The following GAREM1 variants were observed in gnomAD, a reference collection of about 807,000 sequenced individuals.
GAREM1 encodes the protein GRB2 associated regulator of MAPK1 subtype 1.
A neutral mutation model predicts 71.3 loss-of-function variants in GAREM1; 26 were observed. That is an observed-to-expected ratio of 0.36 (90% CI 0.27 to 0.51). The LOEUF (loss-of-function observed/expected upper bound fraction) is 0.51. Ranked by LOEUF, GAREM1 falls within the 20% of genes least tolerant of loss-of-function variation. GAREM1 has a pLI of 0.95. For missense variants in GAREM1, 1,026 were observed against 1,103.1 expected (o/e 0.93, Z 0.99); for synonymous variants, 440 against 433.2 (o/e 1.02, Z -0.20).
At chr18:32,268,909 GTT>G in intron 5 of GAREM1, 141 bp from the exon 6 acceptor site, 3 of 561,250 alleles carry the variant, frequency 5.3e-6, no homozygotes, top group Non-Finnish European at 9.1e-6. Flanking sequence ...ACTTCACTGG[GTT>G]TTTTTTTTAA....
chr18:32,419,630 C>A (rs1040651039), intron 1 of GAREM1, among the ~76,000 whole-genome samples: 1 of 152,272 alleles, frequency 6.6e-6, no homozygotes, highest in Middle Eastern at 3.4e-3. Context: ...TTTGTTACAG[C>A]AGCCTGAACT....
At chr18:32,276,039 T>G (rs974977618) in intron 4 of GAREM1, among the ~76,000 whole-genome samples, 3 of 152,226 alleles carry the variant, frequency 2.0e-5, no homozygotes, top group African/African-American at 7.2e-5. Flanking sequence ...ACACCACTAC[T>G]CTGGTGTTGA....
chr18:32,362,731 A>T (rs1598990108), intron 2 of GAREM1, among the ~76,000 whole-genome samples: 1 of 152,212 alleles, frequency 6.6e-6, no homozygotes, highest in African/African-American at 2.4e-5. Context: ...CAATACAGCA[A>T]ATTTCAAGAT....
At chr18:32,299,901 T>C (rs2047182929) in intron 3 of GAREM1, among the ~76,000 whole-genome samples, 1 of 152,154 alleles carries the variant, frequency 6.6e-6, no homozygotes, top group Non-Finnish European at 1.5e-5. Flanking sequence ...AAAAAAAGTT[T>C]TAAAAAATTT....
At chr18:32,371,914 T>C (rs919497493) in intron 2 of GAREM1, among the ~76,000 whole-genome samples, 3 of 152,060 alleles carry the variant, frequency 2.0e-5, no homozygotes, top group Non-Finnish European at 4.4e-5. Context: ...CAGGATGCAT[T>C]GAGGACCTTA....
intron 2 of GAREM1, among the ~76,000 whole-genome samples, chr18:32,385,904 ATAAAAG>A (rs1289243157): frequency 6.6e-6 from 1 of 152,228 alleles, no homozygotes; most frequent in East Asian, 1.9e-4. Flanking sequence ...ACATGAAAAA[ATAAAAG>A]TAAAATGCTG....
At chr18:32,430,454 T>TAC (rs2048612920) in intron 1 of GAREM1, among the ~76,000 whole-genome samples, 1 of 152,186 alleles carries the variant, frequency 6.6e-6, no homozygotes, top group Non-Finnish European at 1.5e-5. Context: ...TCTATATATA[T>TAC]ACTAGGATTG....
Position 32,270,509 on chromosome 18 carries a change from G to A in GAREM1, c.1567-126C>T, listed in dbSNP as rs78055134. ...AACAGCAGGGTGTAAGCATGGCAGAGAGAAGATTGAAGTAAACAAGAATGA... is the reference window on the plus strand; with the variant it reads ...AACAGCAGGGTGTAAGCATGGCAGAAAGAAGATTGAAGTAAACAAGAATGA... On this transcript the variant is annotated intron_variant, in intron 4 of 5. Transcript: ENST00000269209. 2.6e-3 allele frequency: 1,955 copies of A among 741,080 alleles called. 58 individuals carry two copies. In the East Asian group the frequency reaches 0.051, roughly 19 times the overall value. 45.9% of individuals were successfully genotyped at this position (741,080 alleles called of 1,614,324 possible). A position where few individuals can be genotyped will look rare whatever the true frequency, so the allele number is the denominator to read the frequency against.
chr18:32,367,827 G>C (rs972867831), intron 2 of GAREM1, among the ~76,000 whole-genome samples: 6 of 152,058 alleles, frequency 3.9e-5, no homozygotes, highest in Admixed American at 2.0e-4. Context: ...GTCTGCCTAC[G>C]GGAGCCAGGT....
At chr18:32,466,191 G>C (rs1249941253) in intron 1 of GAREM1, among the ~76,000 whole-genome samples, 1 of 151,458 alleles carries the variant, frequency 6.6e-6, no homozygotes, top group Middle Eastern at 3.2e-3. Context: ...TTTGGTTACA[G>C]AGAGTATGGC....
chr18:32,378,654 T>C (rs1178280394), intron 2 of GAREM1, among the ~76,000 whole-genome samples: 1 of 152,164 alleles, frequency 6.6e-6, no homozygotes, highest in African/African-American at 2.4e-5. Flanking sequence ...AGAAGAGCTC[T>C]GGTTAAAAAT....
In GAREM1 at chr18:32,361,698, C is replaced by T. The variant is rs554698891; in HGVS notation, c.262+31197G>A. Among the ~76,000 whole-genome samples, 49 of 152,220 alleles carry T rather than the reference C, an allele frequency of 3.2e-4. No individual in the cohort carries two copies. In the East Asian group the frequency reaches 9.1e-3, roughly 28 times the overall value. On this transcript the variant is annotated intron_variant, in intron 2 of 5. Coordinates refer to ENST00000269209, the MANE Select transcript of GAREM1 (RefSeq NM_001242409.2). The stretch of plus-strand genomic sequence containing the variant: ...ATAATTTCCCAATATCCTGTTTAAG[C>T]CAATTATTTTAGAAAAATTTGTAAA...
intron 2 of GAREM1, among the ~76,000 whole-genome samples, chr18:32,338,791 T>C (rs1322151345): frequency 1.3e-5 from 2 of 152,210 alleles, no homozygotes; most frequent in African/African-American, 4.8e-5. Context: ...TTGTGTCAAC[T>C]TGGTTTGATC....
intron 1 of GAREM1, among the ~76,000 whole-genome samples, chr18:32,411,590 C>T (rs183700337): frequency 1.9e-4 from 29 of 151,806 alleles, no homozygotes; most frequent in Admixed American, 1.7e-3. Flanking sequence ...TTATCTGGTA[C>T]CATTATTCAA....
Position 32,267,972 on chromosome 18 carries a change from C to A in GAREM1, c.2530G>T (p.Val844Phe). ...VTEKIDGNLL[V>F]QLTEEILSED... ...GAGAGGATTTCTTCCGTTAGCTGAA[C>A]AAGCAGGTTCCCATCAATCTTTTCA... Residue 844 changes from valine to phenylalanine, a missense_variant, in exon 6 of 6, where the codon GTT (valine) becomes TTT (phenylalanine). Around this residue, in one of 3 missense-constraint regions of GAREM1, gnomAD observed 636 missense variants for 631.2 expected, o/e 1.01. Coordinates refer to ENST00000269209, the MANE Select transcript of GAREM1 (RefSeq NM_001242409.2). The A allele has an allele frequency of 6.2e-7, 1 of 1,614,002 alleles. No individual in the cohort carries two copies. The highest frequency in any genetic ancestry group is 8.5e-7 in the Non-Finnish European group (1 of 1,179,888).
chr18:32,321,135 G>C (rs2047424051), intron 2 of GAREM1, among the ~76,000 whole-genome samples: 1 of 152,004 alleles, frequency 6.6e-6, no homozygotes, highest in Non-Finnish European at 1.5e-5. Context: ...AAGAACCTAA[G>C]TGTTCCATAA....
intron 3 of GAREM1, among the ~76,000 whole-genome samples, chr18:32,309,645 A>G (rs1160550018): frequency 6.8e-6 from 1 of 147,600 alleles, no homozygotes; most frequent in African/African-American, 2.5e-5. Flanking sequence ...AAAAAAAAAG[A>G]ATGCAGAACA....
In GAREM1 at chr18:32,411,205, G is replaced by A. The variant is rs150180332; in HGVS notation, c.122-18170C>T. Among the ~76,000 whole-genome samples the A allele has an allele frequency of 3.9e-5, 6 of 152,320 alleles. No homozygotes were observed. The East Asian group carries it at 9.6e-4, about 24-fold the overall frequency. Reference sequence around the variant, plus strand: ...GTCTAATAAGAAAATGCACTAAGGTGCAATGACTTGAACTTTTATGTTTCA... The same window carrying A: ...GTCTAATAAGAAAATGCACTAAGGTACAATGACTTGAACTTTTATGTTTCA... On this transcript the variant is annotated intron_variant, in intron 1 of 5. Coordinates refer to ENST00000269209, the MANE Select transcript of GAREM1 (RefSeq NM_001242409.2).
At chr18:32,385,735 T>C (rs1460936121) in intron 2 of GAREM1, among the ~76,000 whole-genome samples, 2 of 152,178 alleles carry the variant, frequency 1.3e-5, no homozygotes, top group Non-Finnish European at 2.9e-5. Context: ...TTCCAGGGAA[T>C]AGTGGAGACG....
Sources: allele counts gnomAD v4.1 joint callset (sites outside exome capture counted in the v4.1 genomes callset), GRCh38; gene constraint gnomAD v4.1.1; regional missense constraint gnomAD v4.1.1; transcripts MANE v1.5; gene names NCBI Gene and HGNC (gene_info 2026-07-23, HGNC 2026-07-21).